The following TNS1 variants were observed in gnomAD, a reference collection of about 807,000 sequenced individuals.
TNS1 encodes tensin 1.
In TNS1, 62 loss-of-function variants were observed where a neutral mutation model predicts 168.6. The observed-to-expected ratio is 0.37, with a 90% CI of 0.30 to 0.45. TNS1 has a LOEUF of 0.45. Ranked by LOEUF, TNS1 falls within the 20% of genes least tolerant of loss-of-function variation. The pLI, the probability that TNS1 is intolerant of heterozygous loss-of-function variation, is 1.00. For missense variants in TNS1, 2,240 were observed against 2,339.4 expected, an observed-to-expected ratio of 0.96 and a Z score of 0.88; for synonymous variants, 934 against 933.2, an observed-to-expected ratio of 1.00 and a Z score of -0.02.
At chr2:217,981,628 G>A (rs1305256134) in intron 2 of TNS1, among the ~76,000 whole-genome samples, 1 of 152,158 alleles carries the variant, frequency 6.6e-6, no homozygotes, top group East Asian at 1.9e-4. Context: ...TGCCAAGCAG[G>A]ACAGGCTTGG....
At position 217,800,706 on chromosome 2, in the gene TNS1, G is replaced by C. The variant is rs930688928; in HGVS notation, c.*3753C>G. ...ACCCCGAGTGTGGGGGCAGGATTGG[G>C]TGTCTGCCTTGACTCACAGGATCTC... On this transcript the variant is annotated 3_prime_UTR_variant, in exon 33 of 33. Coordinates refer to ENST00000682258, the MANE Select transcript of TNS1 (RefSeq NM_001387777.1). The C allele has an allele frequency of 2.0e-5, 3 of 152,164 alleles. No individual in the cohort carries two copies. The highest frequency in any genetic ancestry group is 4.1e-4 in the South Asian group (2 of 4,830). The allele number at this position is 152,164 out of a possible 1,614,324, so 9.4% of individuals were successfully genotyped here.
At position 217,848,728 on chromosome 2, in the gene TNS1, C is replaced by T; in HGVS notation, c.1789G>A (p.Ala597Thr). The change falls in exon 19 of 33, where the codon GCT becomes ACT. Residue 597 changes from alanine to threonine, a missense_variant. Physicochemically the swap from Ala to Thr is moderately conservative, Grantham distance 58. Coordinates refer to ENST00000682258, the MANE Select transcript of TNS1 (RefSeq NM_001387777.1). ...HLRSRPAGGSAVPSSGRHVVP... is the reference protein window; with the variant it reads ...HLRSRPAGGSTVPSSGRHVVP... Reference sequence around the variant, plus strand: ...ACGTGGCGTCCAGAGGAGGGCACAGCCGAGCCCCCTGCTGGGCGGGACCTG... The same window carrying T: ...ACGTGGCGTCCAGAGGAGGGCACAGTCGAGCCCCCTGCTGGGCGGGACCTG... 6.2e-7 allele frequency: 1 copy of T among 1,614,228 alleles called. No individual in the cohort carries two copies. The highest frequency in any genetic ancestry group is 1.1e-5 in the South Asian group (1 of 91,090).
chr2:218,011,964 GGA>G (rs1958711362), upstream of TNS1, among the ~76,000 whole-genome samples: 1 of 152,218 alleles, frequency 6.6e-6, no homozygotes. Flanking sequence ...GGAGGTAGGA[GGA>G]GAGGTAGTGT....
At chr2:218,016,090 C>T (rs1014969190) in intron 1 of TNS1, among the ~76,000 whole-genome samples, 6 of 152,112 alleles carry the variant, frequency 3.9e-5, no homozygotes, top group Admixed American at 6.5e-5. Flanking sequence ...CTGGGAAGCC[C>T]GGTGGCATCA....
In TNS1 at chr2:217,914,797, T is replaced by C. The variant is rs1575063476; in HGVS notation, c.228+5398A>G. Reference sequence around the variant, plus strand: ...CCGCATCCAGCCTAAATGCTGTTCTTTAAGGAGCACTTTGAACCCCTTTTG... The same window carrying C: ...CCGCATCCAGCCTAAATGCTGTTCTCTAAGGAGCACTTTGAACCCCTTTTG... On this transcript the variant is annotated intron_variant, in intron 4 of 32. Transcript: ENST00000682258. Among the ~76,000 whole-genome samples, 3 of 152,236 alleles carry C rather than the reference T, an allele frequency of 2.0e-5. No individual in the cohort carries two copies. In the East Asian group the frequency reaches 5.8e-4, roughly 29 times the overall value.
upstream of TNS1, among the ~76,000 whole-genome samples, chr2:218,004,727 G>T (rs1958641385): frequency 6.6e-6 from 1 of 152,184 alleles, no homozygotes; most frequent in Non-Finnish European, 1.5e-5. Context: ...AGAGGAGTCA[G>T]GGTCCTCTCT....
At chr2:217,931,657 A>G (rs1239134596) in intron 3 of TNS1, among the ~76,000 whole-genome samples, 1 of 152,156 alleles carries the variant, frequency 6.6e-6, no homozygotes, top group Non-Finnish European at 1.5e-5. Flanking sequence ...ATTACTTGCA[A>G]ACCACAGGTG....
intron 3 of TNS1, among the ~76,000 whole-genome samples, chr2:217,973,373 A>C: frequency 6.7e-6 from 1 of 148,416 alleles, no homozygotes; most frequent in Admixed American, 6.6e-5. Context: ...CTCTGAAAAA[A>C]AAAAAAAAAA....
At chr2:217,984,795 A>T (rs558813658) in intron 2 of TNS1, among the ~76,000 whole-genome samples, 2 of 137,886 alleles carry the variant, frequency 1.5e-5, no homozygotes, top group African/African-American at 5.6e-5. Flanking sequence ...TTGCTCTGTC[A>T]CCCAGGCTGG....
chr2:217,821,285 T>C (rs1942806088), intron 23 of TNS1, among the ~76,000 whole-genome samples: 1 of 152,184 alleles, frequency 6.6e-6, no homozygotes, highest in South Asian at 2.1e-4. Flanking sequence ...GTGGCACCTT[T>C]ATGCCTCAGG....
intron 3 of TNS1, among the ~76,000 whole-genome samples, chr2:217,974,911 C>T (rs1469598818): frequency 1.3e-5 from 2 of 152,164 alleles, no homozygotes; most frequent in African/African-American, 4.8e-5. Flanking sequence ...ATTCTTGCCT[C>T]ATGGTATTCA....
chr2:217,883,544 C>T (rs1574941047), intron 16 of TNS1, among the ~76,000 whole-genome samples: 1 of 152,350 alleles, frequency 6.6e-6, no homozygotes, highest in East Asian at 1.9e-4. Flanking sequence ...GGATTACAGG[C>T]ATGAGCCACC....
At chr2:217,815,954 C>G (rs1406438942) in intron 24 of TNS1, among the ~76,000 whole-genome samples, 1 of 152,112 alleles carries the variant, frequency 6.6e-6, no homozygotes, top group Non-Finnish European at 1.5e-5. Context: ...TGTCAGGCAC[C>G]CCACTTCTCA....
At position 217,848,335 on chromosome 2, in the gene TNS1, G is replaced by T. The variant is rs1276450921; in HGVS notation, c.2182C>A (p.Pro728Thr). 3 of 1,538,550 alleles carry T rather than the reference G, an allele frequency of 1.9e-6. No individual in the cohort carries two copies. The highest frequency in any genetic ancestry group is 2.6e-6 in the Non-Finnish European group (3 of 1,140,966). The change falls in exon 19 of 33, where the codon CCA becomes ACA. Residue 728 changes from proline (P) to threonine (T), a missense_variant. Around this residue, in one of 2 missense-constraint regions of TNS1, gnomAD observed 2,131 missense variants for 2,171.2 expected, o/e 0.98. Transcript: ENST00000682258. ...REGPHPAWPQ[P>T]VTTSHYAHDP... The stretch of plus-strand genomic sequence containing the variant: ...TGGGCATAGTGGGAGGTGGTCACTG[G>T]CTGTGGCCAGGCTGGGTGGGGCCCC...
intron 18 of TNS1, among the ~76,000 whole-genome samples, chr2:217,855,658 T>C (rs1286086310): frequency 6.6e-6 from 1 of 152,192 alleles, no homozygotes. Context: ...AAGTTCAATA[T>C]GTAACCTGCA....
chr2:217,931,547 C>A (rs114706538), intron 3 of TNS1, among the ~76,000 whole-genome samples: 3,183 of 152,182 alleles, frequency 0.021, 47 homozygotes, highest in Non-Finnish European at 0.033. Context: ...ACATCAGAGA[C>A]CCACACAGAC....
At chr2:217,955,143 C>T (rs760582981) in intron 3 of TNS1, among the ~76,000 whole-genome samples, 1 of 152,356 alleles carries the variant, frequency 6.6e-6, no homozygotes, top group East Asian at 1.9e-4. Context: ...GCAGCACATT[C>T]CTGGGCCAAG....
intron 1 of TNS1, 124 bp from the exon 2 acceptor site, chr2:217,991,180 C>T: frequency 2.2e-6 from 1 of 455,152 alleles, no homozygotes; most frequent in Non-Finnish European, 4.0e-6. Context: ...CCCTCAGGGT[C>T]CAGAGGAGGG....
chr2:217,970,049 G>T (rs1384385965), intron 3 of TNS1, among the ~76,000 whole-genome samples: 1 of 152,042 alleles, frequency 6.6e-6, no homozygotes, highest in Admixed American at 6.6e-5. Flanking sequence ...GAAGGAAGAT[G>T]ATGTGAGGAC....
Sources: allele counts gnomAD v4.1 joint callset (sites outside exome capture counted in the v4.1 genomes callset), GRCh38; gene constraint gnomAD v4.1.1; regional missense constraint gnomAD v4.1.1; transcripts MANE v1.5; gene names NCBI Gene and HGNC (gene_info 2026-07-23, HGNC 2026-07-21).